Variants in QTGAL observed in about 807,000 individuals in gnomAD.
QTGAL encodes BGnT-like protein 1.
the QTGAL span, among the ~76,000 whole-genome samples, chr17:82,980,784 C>A: frequency 3.3e-5 from 5 of 152,158 alleles, no homozygotes; most frequent in Non-Finnish European, 5.9e-5. Flanking sequence ...GGTTACTGTA[C>A]GAGTTCATGA....
chr17:83,044,815 G>A, the QTGAL span, among the ~76,000 whole-genome samples: 3 of 152,124 alleles, frequency 2.0e-5, no homozygotes, highest in East Asian at 1.9e-4. Context: ...TTGTGGTGGC[G>A]CACGCCTGTA....
At chr17:83,032,416 G>A in the QTGAL span, among the ~76,000 whole-genome samples, 1 of 135,944 alleles carries the variant, frequency 7.4e-6, no homozygotes, top group Non-Finnish European at 1.5e-5. Flanking sequence ...GTCAGACCAG[G>A]CCAGGCCTCC....
chr17:82,965,871 T>C, the QTGAL span: 1 of 1,018,896 alleles, frequency 9.8e-7, no homozygotes, highest in East Asian at 2.6e-5. Flanking sequence ...CTCCACAGGG[T>C]CAGGGCCTCA....
At chr17:82,997,847 A>C in the QTGAL span, among the ~76,000 whole-genome samples, 15 of 151,874 alleles carry the variant, frequency 9.9e-5, no homozygotes, top group East Asian at 2.9e-3. Context: ...GGAGATAGAG[A>C]ATAAAAGGAT....
At chr17:82,962,574 T>G in the QTGAL span, among the ~76,000 whole-genome samples, 42 of 72,118 alleles carry the variant, frequency 5.8e-4, no homozygotes, top group African/African-American at 1.7e-3. Context: ...AGGGTGGAGG[T>G]TCCTGTGGGT....
At chr17:83,003,958 C>T in the QTGAL span, among the ~76,000 whole-genome samples, 2 of 4,370 alleles carry the variant, frequency 4.6e-4, no homozygotes, top group African/African-American at 1.9e-3. Flanking sequence ...TCCCACTCTC[C>T]GCAGTCCGCG....
chr17:83,007,127 G>T, the QTGAL span: 2 of 780,792 alleles, frequency 2.6e-6, no homozygotes, highest in Non-Finnish European at 3.1e-6. Flanking sequence ...CATGTATTTT[G>T]CTCATTTTCT....
At chr17:83,022,752 C>T in the QTGAL span, among the ~76,000 whole-genome samples, 23 of 12,718 alleles carry the variant, frequency 1.8e-3, no homozygotes, top group Non-Finnish European at 2.0e-3. Context: ...GGACTGTCCC[C>T]GGCCCACCTG....
chr17:82,972,496 GACAC>G, the QTGAL span, among the ~76,000 whole-genome samples: 3 of 96,714 alleles, frequency 3.1e-5, no homozygotes, highest in African/African-American at 4.8e-5. Flanking sequence ...ACCTGGTGCC[GACAC>G]ACCACACCAT....
At chr17:83,049,057 T>C in the QTGAL span, 1,736 of 390,548 alleles carry the variant, frequency 4.4e-3, 7 homozygotes, top group Non-Finnish European at 6.2e-3. Context: ...ATTGAGACCA[T>C]CCTGGCTAAC....
the QTGAL span, among the ~76,000 whole-genome samples, chr17:82,991,944 T>TAGA: frequency 3.3e-5 from 5 of 152,294 alleles, no homozygotes; most frequent in Middle Eastern, 0.01. Flanking sequence ...AACTTTTTAA[T>TAGA]AGCAGAATTG....
the QTGAL span, chr17:82,942,337 C>T: frequency 6.6e-7 from 1 of 1,504,634 alleles, no homozygotes; most frequent in Non-Finnish European, 9.1e-7. Flanking sequence ...AAATGGTTTC[C>T]TGCAGGAACC....
the QTGAL span, chr17:83,005,500 C>G: frequency 1.5e-6 from 1 of 682,082 alleles, no homozygotes; most frequent in Admixed American, 2.0e-5. The surrounding 1 kb of genome is among the most constrained non-coding windows in gnomAD (Gnocchi z 5.6). Flanking sequence ...GAGAATATGT[C>G]ACAGATGACA....
At chr17:83,019,588 A>G in the QTGAL span, among the ~76,000 whole-genome samples, 1 of 152,174 alleles carries the variant, frequency 6.6e-6, no homozygotes, top group Admixed American at 6.5e-5. Flanking sequence ...AAGACGGGAA[A>G]GATCTGGAGG....
the QTGAL span, chr17:82,942,352 C>G: frequency 1.9e-6 from 3 of 1,557,568 alleles, no homozygotes; most frequent in Non-Finnish European, 2.6e-6. Flanking sequence ...GGAACCGTGT[C>G]AGTCCCCACA....
At chr17:82,974,676 G>A in the QTGAL span, among the ~76,000 whole-genome samples, 2 of 152,182 alleles carry the variant, frequency 1.3e-5, no homozygotes, top group African/African-American at 2.4e-5. Flanking sequence ...CACAGCGGGT[G>A]TCCCTGGCCC....
chr17:83,022,232 C>T, the QTGAL span, among the ~76,000 whole-genome samples: 3 of 152,258 alleles, frequency 2.0e-5, no homozygotes, highest in African/African-American at 7.2e-5. Flanking sequence ...CATCAAAAGA[C>T]ATGGCCCCAC....
chr17:83,000,194 C>G, the QTGAL span, among the ~76,000 whole-genome samples: 2 of 152,260 alleles, frequency 1.3e-5, no homozygotes, highest in East Asian at 3.9e-4. Flanking sequence ...AACTCCTGAC[C>G]TCATGATCCA....
the QTGAL span, among the ~76,000 whole-genome samples, chr17:83,016,793 G>A: frequency 6.6e-6 from 1 of 151,850 alleles, no homozygotes; most frequent in African/African-American, 2.4e-5. Flanking sequence ...GAGGAAGGAG[G>A]AGGAGGAGGG....
Sources: gnomAD v4.1 joint callset for allele counts (sites outside exome capture counted in the v4.1 genomes callset) on GRCh38, gnomAD v4.1.1 for gene constraint, Gnocchi (gnomAD v3.1) non-coding constraint, MANE v1.5 for transcripts, NCBI Gene and HGNC (gene_info 2026-07-23, HGNC 2026-07-21) for gene names.